Variants in ST6GALNAC3 observed in about 807,000 individuals in gnomAD.
ST6GALNAC3 encodes the protein ST6 N-acetylgalactosaminide alpha-2,6-sialyltransferase 3, also known as alpha-N-acetylgalactosaminide alpha-2,6-sialyltransferase 3.
Under a neutral mutation model 32.7 loss-of-function variants are expected in ST6GALNAC3, and 25 were observed. The observed-to-expected ratio is 0.76, with a 90% CI of 0.56 to 1.07. The LOEUF (loss-of-function observed/expected upper bound fraction) is 1.07. ST6GALNAC3 is among the 50% of genes least tolerant of loss of function. The pLI, the probability that ST6GALNAC3 is intolerant of heterozygous loss-of-function variation, is 0.00. For missense variants in ST6GALNAC3, 355 were observed against 382.4 expected (o/e 0.93, Z 0.60); for synonymous variants, 129 against 133.1 (o/e 0.97, Z 0.21).
At chr1:76,355,773 C>T (rs571070604) in intron 2 of ST6GALNAC3, among the ~76,000 whole-genome samples, 1 of 152,308 alleles carries the variant, frequency 6.6e-6, no homozygotes, top group East Asian at 1.9e-4. Flanking sequence ...TGTGTTGGCA[C>T]ATAGGCCTTT....
intron 1 of ST6GALNAC3, among the ~76,000 whole-genome samples, chr1:76,297,573 T>A (rs1660478070): frequency 6.6e-6 from 1 of 152,088 alleles, no homozygotes; most frequent in African/African-American, 2.4e-5. Flanking sequence ...GTGCGCCTGG[T>A]TTGAATCTTG....
chr1:76,227,419 A>G (rs1485844657), intron 1 of ST6GALNAC3, among the ~76,000 whole-genome samples: 4 of 152,136 alleles, frequency 2.6e-5, no homozygotes, highest in Non-Finnish European at 4.4e-5. Flanking sequence ...GTCCAGTTCA[A>G]TTTCCTTCTA....
At chr1:76,601,036 A>G (rs993632826) in intron 3 of ST6GALNAC3, among the ~76,000 whole-genome samples, 1 of 152,038 alleles carries the variant, frequency 6.6e-6, no homozygotes, top group East Asian at 1.9e-4. Context: ...AAATAAATAA[A>G]TAAATACAAA....
intron 1 of ST6GALNAC3, among the ~76,000 whole-genome samples, chr1:76,196,686 G>A (rs901314920): frequency 2.0e-5 from 3 of 151,958 alleles, no homozygotes; most frequent in South Asian, 2.1e-4. Flanking sequence ...GGCTGGTCTC[G>A]AACTCCTGAC....
intron 3 of ST6GALNAC3, among the ~76,000 whole-genome samples, chr1:76,612,383 A>C (rs1176303195): frequency 6.6e-6 from 1 of 152,220 alleles, no homozygotes; most frequent in Non-Finnish European, 1.5e-5. Context: ...TGCAAAAGAC[A>C]ACATGCAGAA....
At chr1:76,478,985 G>T (rs58526292) in intron 3 of ST6GALNAC3, among the ~76,000 whole-genome samples, 3,918 of 151,706 alleles carry the variant, frequency 0.026, 181 homozygotes, top group African/African-American at 0.088. Flanking sequence ...GGATGGTCTC[G>T]ATCTCCTGAC....
intron 1 of ST6GALNAC3, among the ~76,000 whole-genome samples, chr1:76,268,672 G>T (rs1393697764): frequency 6.6e-6 from 1 of 152,186 alleles, no homozygotes; most frequent in Non-Finnish European, 1.5e-5. Context: ...CCCAAATAAA[G>T]AAAATACTTG....
intron 3 of ST6GALNAC3, among the ~76,000 whole-genome samples, chr1:76,514,578 G>T (rs1662062367): frequency 6.6e-6 from 1 of 152,118 alleles, no homozygotes; most frequent in African/African-American, 2.4e-5. Context: ...GTGAGAGTGG[G>T]TTGTCATAAT....
chr1:76,466,839 C>T (rs1374655337), intron 3 of ST6GALNAC3, among the ~76,000 whole-genome samples: 7 of 151,968 alleles, frequency 4.6e-5, no homozygotes, highest in Admixed American at 3.9e-4. Context: ...TAATTATAAG[C>T]ATATAAAATT....
intron 1 of ST6GALNAC3, among the ~76,000 whole-genome samples, chr1:76,206,081 TG>T (rs1272906476): frequency 6.6e-6 from 1 of 152,186 alleles, no homozygotes; most frequent in Non-Finnish European, 1.5e-5. Flanking sequence ...ATGTGAGACA[TG>T]GTCTTTGGAC....
intron 3 of ST6GALNAC3, among the ~76,000 whole-genome samples, chr1:76,450,818 C>T (rs7554005): frequency 0.52 from 78,630 of 151,940 alleles, 22,804 homozygotes; most frequent in Non-Finnish European, 0.65. Flanking sequence ...GGTCCTTTTC[C>T]CACTTCATTT....
At chr1:76,297,515 A>G (rs1317624742) in intron 1 of ST6GALNAC3, among the ~76,000 whole-genome samples, 3 of 152,080 alleles carry the variant, frequency 2.0e-5, no homozygotes, top group Non-Finnish European at 4.4e-5. Flanking sequence ...ACATAAGTAT[A>G]GAATAAGATA....
intron 1 of ST6GALNAC3, among the ~76,000 whole-genome samples, chr1:76,080,539 C>T (rs1408356452): frequency 3.3e-5 from 5 of 150,588 alleles, no homozygotes; most frequent in African/African-American, 9.8e-5. Flanking sequence ...GATGAGAGAA[C>T]TGGACTAGAA....
At chr1:76,397,315 G>A (rs888403481) in intron 2 of ST6GALNAC3, among the ~76,000 whole-genome samples, 8 of 148,832 alleles carry the variant, frequency 5.4e-5, no homozygotes, top group Admixed American at 4.0e-4. Context: ...AAAACCACTT[G>A]TAGTTAAATA....
intron 1 of ST6GALNAC3, among the ~76,000 whole-genome samples, chr1:76,161,168 C>T (rs947070026): frequency 2.1e-4 from 32 of 152,172 alleles, no homozygotes; most frequent in African/African-American, 6.3e-4. Flanking sequence ...ACACTTGGGC[C>T]ATTATTCCTT....
intron 2 of ST6GALNAC3, among the ~76,000 whole-genome samples, chr1:76,358,219 G>C (rs981417432): frequency 1.6e-4 from 25 of 151,970 alleles, no homozygotes; most frequent in Middle Eastern, 3.2e-3. Context: ...GATGCTTGTG[G>C]CTTCAATTTT....
chr1:76,346,701 T>C (rs928061960), intron 2 of ST6GALNAC3, among the ~76,000 whole-genome samples: 1 of 152,096 alleles, frequency 6.6e-6, no homozygotes, highest in African/African-American at 2.4e-5. Flanking sequence ...CTACTTAGTT[T>C]TGAGACCTTG....
intron 3 of ST6GALNAC3, chr1:76,577,346 C>A (rs902131556): frequency 1.0e-6 from 1 of 986,542 alleles, no homozygotes; most frequent in Non-Finnish European, 1.2e-6. Flanking sequence ...TGGAAGGTAA[C>A]CTTTACCAAG....
intron 3 of ST6GALNAC3, among the ~76,000 whole-genome samples, chr1:76,599,194 A>G (rs1042152048): frequency 3.3e-5 from 5 of 149,858 alleles, no homozygotes; most frequent in East Asian, 2.0e-4. Flanking sequence ...TTTCTTATGT[A>G]TACAAATAAT....
Sources: gnomAD v4.1 joint callset for allele counts (sites outside exome capture counted in the v4.1 genomes callset) on GRCh38, gnomAD v4.1.1 for gene constraint, MANE v1.5 for transcripts, NCBI Gene and HGNC (gene_info 2026-07-23, HGNC 2026-07-21) for gene names.